Variants in IRAK4 observed in about 807,000 individuals in gnomAD.
IRAK4 encodes the protein interleukin-1 receptor-associated kinase 4.
In IRAK4, 44 loss-of-function variants were observed where a neutral mutation model predicts 51.8. That is an observed-to-expected ratio of 0.85 (90% confidence interval 0.67 to 1.09). The LOEUF (loss-of-function observed/expected upper bound fraction) is 1.09, where lower values mean the gene tolerates loss of function less well. Ranked by LOEUF, IRAK4 falls within the 50% of genes least tolerant of loss-of-function variation. IRAK4 has a pLI of 0.00. For synonymous variants in IRAK4, 149 were observed against 174.1 expected (o/e 0.86, Z 1.13); for missense variants, 487 against 538.0 (o/e 0.91, Z 0.94).
rs1275009412 is a variant in IRAK4 at position 43,786,779 on chromosome 12, T to A, written c.*64T>A. 5 of 1,363,658 alleles carry A rather than the reference T, an allele frequency of 3.7e-6. No individual in the cohort carries two copies. Among genetic ancestry groups the A allele is most frequent in the Non-Finnish European group, 5.2e-6 (5 of 958,502 alleles). 84.5% of individuals were successfully genotyped at this position (1,363,658 alleles called of 1,614,324 possible). The stretch of plus-strand genomic sequence containing the variant: ...CTATCTCAACCATTTTTTTAACTGA[T>A]TTTTTTCCTAAATATTCTTCTTTAC... On this transcript the variant is annotated 3_prime_UTR_variant, in exon 12 of 12. Transcript: ENST00000613694.
intron 5 of IRAK4, 82 bp from the exon 6 acceptor site, chr12:43,773,883 G>A (rs529499372): frequency 2.8e-4 from 234 of 835,564 alleles, no homozygotes; most frequent in Non-Finnish European, 4.3e-4. Flanking sequence ...AAAGGGAGAT[G>A]AGCCAGCTGA....
At chr12:43,760,085 C>G (rs1384114096) in intron 1 of IRAK4, among the ~76,000 whole-genome samples, 1 of 152,144 alleles carries the variant, frequency 6.6e-6, no homozygotes, top group Admixed American at 6.5e-5. Context: ...TCCTGCAGAG[C>G]GTTCATTTGA....
At chr12:43,767,624 C>T (rs1167458752) in intron 1 of IRAK4, among the ~76,000 whole-genome samples, 1 of 151,134 alleles carries the variant, frequency 6.6e-6, no homozygotes, top group African/African-American at 2.4e-5. Flanking sequence ...CTACACAAAT[C>T]ATTTCAGTAC....
intron 8 of IRAK4, among the ~76,000 whole-genome samples, chr12:43,779,528 T>C (rs1195159742): frequency 6.6e-6 from 1 of 152,192 alleles, no homozygotes; most frequent in Non-Finnish European, 1.5e-5. Context: ...TAGGCTATCA[T>C]AGGTGGCAGT....
intron 2 of IRAK4, among the ~76,000 whole-genome samples, chr12:43,770,282 G>A (rs1454743576): frequency 6.6e-6 from 1 of 152,082 alleles, no homozygotes; most frequent in Non-Finnish European, 1.5e-5. Context: ...AAGTTTTTGT[G>A]TGTTCTGTTT....
rs1437713233 is a variant in IRAK4 at position 43,788,350 on chromosome 12, T to C, written c.*1635T>C. ...GGAAGGGTGCTGCCACCCTCCAGAC[T>C]TGAGAATTGTAGAGCCACCAGCAGC... On this transcript the variant is annotated 3_prime_UTR_variant, in exon 12 of 12. Coordinates refer to ENST00000613694, the MANE Select transcript of IRAK4 (RefSeq NM_016123.4). 1.3e-5 allele frequency: 2 copies of C among 152,088 alleles called. No homozygotes were observed. The highest frequency in any genetic ancestry group is 2.9e-5 in the Non-Finnish European group (2 of 68,102). 9.4% of individuals were successfully genotyped at this position (152,088 alleles called of 1,614,324 possible). A position where few individuals can be genotyped will look rare whatever the true frequency, so the allele number is the denominator to read the frequency against.
intron 1 of IRAK4, among the ~76,000 whole-genome samples, chr12:43,762,603 T>G (rs939502543): frequency 6.6e-6 from 1 of 152,178 alleles, no homozygotes; most frequent in African/African-American, 2.4e-5. Context: ...GTGAATTTGG[T>G]TGGGTCCTAG....
At position 43,786,465 on chromosome 12, in the gene IRAK4, A is replaced by G. The variant is rs1007320920; in HGVS notation, c.1255A>G (p.Asn419Asp). 1.2e-6 allele frequency: 2 copies of G among 1,611,226 alleles called. No homozygotes were observed. ...TIEDYIDKKMNDADSTSVEAM... is the reference protein window; with the variant it reads ...TIEDYIDKKMDDADSTSVEAM... ...TGAAGATTATATTGATAAAAAGATG[A>G]ATGATGCTGATTCCACTTCAGTTGA... is the stretch of plus-strand genomic sequence containing the variant. The change falls in exon 11 of 12, where the codon AAT (asparagine) becomes GAT (aspartate). Residue 419 changes from asparagine (N) to aspartate (D), a missense_variant. Physicochemically the swap from Asn to Asp is conservative, Grantham distance 23. Transcript: ENST00000613694.
At chr12:43,768,373 C>T in intron 2 of IRAK4, 101 bp downstream of exon 2, 1 of 843,110 alleles carries the variant, frequency 1.2e-6, no homozygotes, top group Non-Finnish European at 1.9e-6. Context: ...GAAAGTAAAC[C>T]TCTCCACTAT....
At chr12:43,760,770 T>G (rs1178749954) in intron 1 of IRAK4, among the ~76,000 whole-genome samples, 1 of 152,242 alleles carries the variant, frequency 6.6e-6, no homozygotes, top group Non-Finnish European at 1.5e-5. Context: ...TATTTCGTTT[T>G]GTTCTTTCAT....
rs1035700812 is a variant in IRAK4, at chr12:43,788,269, T to C, written c.*1554T>C. On this transcript the variant is annotated 3_prime_UTR_variant, in exon 12 of 12. Coordinates refer to ENST00000613694, the MANE Select transcript of IRAK4 (RefSeq NM_016123.4). ...GGCTTATAGTGTACGTACTGAAATG[T>C]GGGGTTGGAGCCCCAACACAGAGAC... is the stretch of plus-strand genomic sequence containing the variant. The C allele has an allele frequency of 6.6e-6, 1 of 152,206 alleles. No homozygotes were observed. The highest frequency in any genetic ancestry group is 1.5e-5 in the Non-Finnish European group (1 of 68,072). The allele number at this position is 152,206 out of a possible 1,614,324, so 9.4% of individuals were successfully genotyped here.
At chr12:43,777,536 C>T (rs567432989) in intron 6 of IRAK4, 94 bp from the exon 7 acceptor site, 33 of 1,120,122 alleles carry the variant, frequency 2.9e-5, no homozygotes, top group Middle Eastern at 2.8e-4. Flanking sequence ...TATTTTTTTG[C>T]TCTTTTTTTC....
chr12:43,762,578 T>C (rs1426820038), intron 1 of IRAK4, among the ~76,000 whole-genome samples: 1 of 152,204 alleles, frequency 6.6e-6, no homozygotes, highest in Non-Finnish European at 1.5e-5. Context: ...ACAAATGTTG[T>C]GAGTCGTTGC....
At chr12:43,778,117 A>G (rs753677487) in intron 7 of IRAK4, 76 bp from the exon 8 acceptor site, 1 of 870,906 alleles carries the variant, frequency 1.1e-6, no homozygotes, top group Non-Finnish European at 1.9e-6. Context: ...GCCTAGAAAA[A>G]TATTCTGTGT....
intron 5 of IRAK4, among the ~76,000 whole-genome samples, chr12:43,773,437 AAT>A (rs1940980638): frequency 6.6e-6 from 1 of 152,120 alleles, no homozygotes; most frequent in Non-Finnish European, 1.5e-5. Context: ...TTAAAAATAA[AAT>A]TTAGGAAGTA....
chr12:43,776,595 T>C (rs997075511), intron 6 of IRAK4, among the ~76,000 whole-genome samples: 1 of 152,264 alleles, frequency 6.6e-6, no homozygotes, highest in Non-Finnish European at 1.5e-5. Context: ...TTTGCTCATT[T>C]AATTGTCTCA....
chr12:43,761,350 C>G (rs774284877), intron 1 of IRAK4, among the ~76,000 whole-genome samples: 1 of 152,166 alleles, frequency 6.6e-6, no homozygotes, highest in African/African-American at 2.4e-5. Context: ...GTTATTTGTA[C>G]GCTTTCAGTA....
chr12:43,778,200 C>T lies in IRAK4; in HGVS notation c.839C>T (p.Thr280Ile). ...GGTTTATTTCTTTATAAGGATGGTA[C>T]TCCACCACTTTCTTGGCACATGAGA... Reference protein sequence around the residue: ...LLDRLSCLDGTPPLSWHMRCK... With the variant: ...LLDRLSCLDGIPPLSWHMRCK... Residue 280 changes from threonine (T) to isoleucine (I), a missense_variant, in exon 8 of 12, where the codon ACT becomes ATT. Thr to Ile is a moderately conservative substitution (Grantham distance 89). Coordinates refer to ENST00000613694, the MANE Select transcript of IRAK4 (RefSeq NM_016123.4). 1 of 1,586,534 alleles carries T rather than the reference C, an allele frequency of 6.3e-7. No homozygotes were observed. The highest frequency in any genetic ancestry group is 8.7e-7 in the Non-Finnish European group (1 of 1,155,112).
Position 43,771,349 on chromosome 12 carries a change from G to T in IRAK4, c.291G>T (p.Ala97=). ...LLIQNEFFAP[A]SLLLPDAVPK... The stretch of plus-strand genomic sequence containing the variant: ...TCCAAAATGAATTTTTTGCTCCTGC[G>T]AGTCTTTTGCTCCCAGGTAAACTGA... Residue 97 remains alanine, a synonymous_variant, in exon 3 of 12, where the codon GCG becomes GCT. Transcript: ENST00000613694. 1 of 1,614,036 alleles carries T rather than the reference G, an allele frequency of 6.2e-7. No individual in the cohort carries two copies. The highest frequency in any genetic ancestry group is 8.5e-7 in the Non-Finnish European group (1 of 1,179,988).
Sources: allele counts gnomAD v4.1 joint callset (sites outside exome capture counted in the v4.1 genomes callset), GRCh38; gene constraint gnomAD v4.1.1; transcripts MANE v1.5; gene names NCBI Gene and HGNC (gene_info 2026-07-23, HGNC 2026-07-21).